Variants in ANKH observed in about 807,000 individuals in gnomAD.
ANKH encodes the protein ANKH inorganic pyrophosphate transport regulator, also known as mineralization regulator ANKH.
Under a neutral mutation model 49.0 loss-of-function variants are expected in ANKH, and 15 were observed. That is an observed-to-expected ratio of 0.31 (90% CI 0.20 to 0.47). The LOEUF (loss-of-function observed/expected upper bound fraction) is 0.47. Among genes scored for constraint, ANKH ranks in the 20% least tolerant of loss-of-function variants. The pLI is 1.00. For missense variants in ANKH, 429 were observed against 652.0 expected (o/e 0.66, Z 3.72); for synonymous variants, 273 against 260.0 (o/e 1.05, Z -0.48).
intron 8 of ANKH, among the ~76,000 whole-genome samples, chr5:14,738,650 CA>C (rs1295230953): frequency 6.6e-6 from 1 of 152,100 alleles, no homozygotes; most frequent in East Asian, 1.9e-4. Flanking sequence ...AAAAACAGGC[CA>C]GGGGCAGTGG....
At chr5:14,756,908 A>G (rs1738904237) in intron 3 of ANKH, among the ~76,000 whole-genome samples, 1 of 152,324 alleles carries the variant, frequency 6.6e-6, no homozygotes, top group Middle Eastern at 3.4e-3. Flanking sequence ...AGAAACATGG[A>G]AGAAAAGAGT....
chr5:14,746,649 C>G (rs1325851104), intron 6 of ANKH, among the ~76,000 whole-genome samples: 1 of 152,178 alleles, frequency 6.6e-6, no homozygotes, highest in Non-Finnish European at 1.5e-5. Flanking sequence ...AGTCCCCAGG[C>G]AAGAAGGAGG....
chr5:14,745,239 T>C lies in ANKH; in HGVS notation c.915+631A>G, dbSNP rs564283576. Among the ~76,000 whole-genome samples the C allele has an allele frequency of 5.5e-4, 84 of 152,286 alleles. No individual in the cohort carries two copies. Among genetic ancestry groups the C allele is most frequent in the African/African-American group, 1.9e-3 (78 of 41,530 alleles). ...GTTTTAGAGTATTAAAAAAAGTCTA[T>C]AGGTTTAAATGATAACGCTATAAAA... On this transcript the variant is annotated intron_variant, in intron 7 of 11. Transcript: ENST00000284268. The surrounding 1 kb of genome is among the most constrained non-coding windows in gnomAD (Gnocchi z 4.7).
chr5:14,858,536 C>T lies in ANKH; in HGVS notation c.96+12816G>A, dbSNP rs1421190491. 9.2e-5 allele frequency among the ~76,000 whole-genome samples: 14 copies of T among 151,980 alleles called. 1 individual carries two copies. Among genetic ancestry groups the T allele is most frequent in the African/African-American group, 2.7e-4 (11 of 41,466 alleles). ...TTTGAGATAAGCCTGGCCAGCATGG[C>T]GAAACCCCGTCTCTACTAAAAATAC... On this transcript the variant is annotated intron_variant, in intron 1 of 11. Coordinates refer to ENST00000284268, the MANE Select transcript of ANKH (RefSeq NM_054027.6).
chr5:14,838,352 T>C (rs1051801391), intron 1 of ANKH, among the ~76,000 whole-genome samples: 19 of 151,818 alleles, frequency 1.3e-4, no homozygotes, highest in Non-Finnish European at 2.2e-4. Context: ...AACCTGCACA[T>C]TGTGCACATG....
intron 1 of ANKH, among the ~76,000 whole-genome samples, chr5:14,809,671 G>A (rs939249783): frequency 7.2e-5 from 11 of 152,342 alleles, no homozygotes; most frequent in Admixed American, 2.6e-4. Context: ...CTGCAGGTAT[G>A]AAATGTAGAA....
At chr5:14,863,172 G>T (rs1735551139) in intron 1 of ANKH, among the ~76,000 whole-genome samples, 1 of 152,100 alleles carries the variant, frequency 6.6e-6, no homozygotes, top group Non-Finnish European at 1.5e-5. Flanking sequence ...CAGTTGACTG[G>T]CAACTGGTTA....
chr5:14,762,671 C>T (rs924972381), intron 2 of ANKH, among the ~76,000 whole-genome samples: 3 of 151,898 alleles, frequency 2.0e-5, no homozygotes, highest in African/African-American at 7.3e-5. Flanking sequence ...ACTGTTTTCA[C>T]CCACTCTGTT....
chr5:14,794,855 C>T (rs764913752), intron 1 of ANKH, among the ~76,000 whole-genome samples: 34 of 152,200 alleles, frequency 2.2e-4, no homozygotes, highest in Non-Finnish European at 1.0e-4. Context: ...GAAATATATA[C>T]GGCATTTGCT....
intron 1 of ANKH, among the ~76,000 whole-genome samples, chr5:14,839,166 T>G (rs1484496987): frequency 6.6e-6 from 1 of 152,124 alleles, no homozygotes; most frequent in Non-Finnish European, 1.5e-5. Flanking sequence ...TAGTGATGTA[T>G]GTATGCAGCC....
At chr5:14,727,493 G>A (rs1185600576) in intron 8 of ANKH, among the ~76,000 whole-genome samples, 2 of 150,864 alleles carry the variant, frequency 1.3e-5, no homozygotes, top group Non-Finnish European at 2.9e-5. Context: ...GTAATGCCGC[G>A]TTGGTGGAAA....
rs773377820 is a variant in ANKH, at chr5:14,711,246, G to A, written c.1430C>T (p.Pro477Leu). The A allele has an allele frequency of 1.2e-5, 20 of 1,613,880 alleles. No individual in the cohort carries two copies. Among genetic ancestry groups the A allele is most frequent in the East Asian group, 6.7e-5 (3 of 44,866 alleles). ...GEDSAMTDMP[P>L]TEEVTDIVEM... ...CACGATGTCTGTCACCTCCTCTGTCGGAGGCATGTCTGTCATGGCAGAGTC... is the reference window on the plus strand; with the variant it reads ...CACGATGTCTGTCACCTCCTCTGTCAGAGGCATGTCTGTCATGGCAGAGTC... The change falls in exon 12 of 12, where the codon CCG becomes CTG. Residue 477 changes from proline (P) to leucine (L), a missense_variant. Pro to Leu is a moderately conservative substitution (Grantham distance 98). Transcript: ENST00000284268.
chr5:14,862,065 G>A (rs542210476), intron 1 of ANKH, among the ~76,000 whole-genome samples: 3 of 152,224 alleles, frequency 2.0e-5, no homozygotes, highest in East Asian at 3.9e-4. Context: ...GTGAAACCCC[G>A]TCTCTACCAA....
intron 2 of ANKH, among the ~76,000 whole-genome samples, chr5:14,762,885 G>A (rs1272138985): frequency 6.6e-6 from 1 of 152,114 alleles, no homozygotes; most frequent in Non-Finnish European, 1.5e-5. Flanking sequence ...ATGAAGAGCA[G>A]AACATTACAA....
intron 1 of ANKH, among the ~76,000 whole-genome samples, chr5:14,818,636 C>T (rs1741110444): frequency 1.2e-5 from 1 of 85,206 alleles, no homozygotes; most frequent in African/African-American, 5.0e-5. Context: ...AAGAGCAAAA[C>T]TCCATCTCAA....
At chr5:14,780,151 G>A (rs978863751) in intron 1 of ANKH, among the ~76,000 whole-genome samples, 14 of 151,830 alleles carry the variant, frequency 9.2e-5, no homozygotes, top group Non-Finnish European at 1.5e-5. Flanking sequence ...CTGGATGGGC[G>A]ACAGGGCATT....
chr5:14,730,670 G>T (rs1050377298), intron 8 of ANKH, among the ~76,000 whole-genome samples: 1 of 152,212 alleles, frequency 6.6e-6, no homozygotes. Flanking sequence ...GCAGCCTGGA[G>T]GATGGGGCCG....
chr5:14,843,549 G>GAAAAAAAAAAAA lies in ANKH; in HGVS notation c.96+27791_96+27802dup, dbSNP rs60487783. On this transcript the variant is annotated intron_variant, in intron 1 of 11. Transcript: ENST00000284268. ...CCCAAACAACTATCAGGGGATTAGC[G>GAAAAAAAAAAAA]AAAAAAAAAAAAAAAAAAAAGAGCC... 1.1e-4 allele frequency among the ~76,000 whole-genome samples: 7 copies of GAAAAAAAAAAAA among 61,008 alleles called. 1 individual carries two copies. Among genetic ancestry groups the GAAAAAAAAAAAA allele is most frequent in the Admixed American group, 2.2e-4 (1 of 4,518 alleles). 40.0% of individuals were successfully genotyped at this position (61,008 alleles called of 152,430 possible).
At chr5:14,776,871 A>ATAT (rs1739641242) in intron 1 of ANKH, among the ~76,000 whole-genome samples, 1 of 152,240 alleles carries the variant, frequency 6.6e-6, no homozygotes, top group African/African-American at 2.4e-5. Flanking sequence ...ACAACTGTGA[A>ATAT]TATGAAGCCG....
Sources: gnomAD v4.1 joint callset for allele counts (sites outside exome capture counted in the v4.1 genomes callset) on GRCh38, gnomAD v4.1.1 for gene constraint, Gnocchi (gnomAD v3.1) non-coding constraint, MANE v1.5 for transcripts, NCBI Gene and HGNC (gene_info 2026-07-23, HGNC 2026-07-21) for gene names.